The following NEB variants were observed in gnomAD, a reference collection of about 807,000 sequenced individuals.
NEB encodes nemaline myopathy type 2.
Under a neutral mutation model 952.2 loss-of-function variants are expected in NEB, and 512 were observed. That is an observed-to-expected ratio of 0.54 (90% confidence interval 0.50 to 0.58). The LOEUF (loss-of-function observed/expected upper bound fraction) is 0.58, where lower values mean the gene tolerates loss of function less well. NEB is among the 20% of genes least tolerant of loss of function. The pLI is 0.00. For missense variants in NEB, 8,428 were observed against 9,231.1 expected (o/e 0.91, Z 3.56); for synonymous variants, 2,900 against 3,149.8 (o/e 0.92, Z 2.66).
intron 173 of NEB, chr2:151,495,191 C>A (rs949986898): frequency 4.6e-5 from 7 of 152,152 alleles, no homozygotes; most frequent in African/African-American, 1.7e-4. Flanking sequence ...CATAGTAACA[C>A]ATCATGATAA....
chr2:151,733,365 CT>C (rs1383394891), intron 2 of NEB, among the ~76,000 whole-genome samples, 180 bp from the exon 3 acceptor site: 45 of 152,184 alleles, frequency 3.0e-4, no homozygotes, highest in African/African-American at 9.4e-4. Flanking sequence ...CTTCAAATTT[CT>C]TTCTCTTTAT....
intron 55 of NEB, 45 bp from the exon 56 acceptor site, chr2:151,644,620 G>C: frequency 7.0e-7 from 1 of 1,431,026 alleles, no homozygotes; most frequent in Non-Finnish European, 9.9e-7. Context: ...GTTCCCCATA[G>C]ACAAATATAG....
rs773491718 is a variant in NEB at position 151,711,185 on chromosome 2, G to A, written c.823-647C>T. On this transcript the variant is annotated intron_variant, in intron 10 of 181. Coordinates refer to ENST00000397345, the MANE Select transcript of NEB (RefSeq NM_001164508.2). Reference sequence around the variant, plus strand: ...CCAACACAAAATGCAGCACACAGAAGTTACATCATAAATGTTTGTTCAACT... The same window carrying A: ...CCAACACAAAATGCAGCACACAGAAATTACATCATAAATGTTTGTTCAACT... Among the ~76,000 whole-genome samples, 9 of 152,256 alleles carry A rather than the reference G, an allele frequency of 5.9e-5. No homozygotes were observed. The South Asian group carries it at 1.9e-3, about 32-fold the overall frequency.
At chr2:151,553,767 C>T (rs765216425) in intron 126 of NEB, 61 bp downstream of exon 126, 258 of 1,468,512 alleles carry the variant, frequency 1.8e-4, no homozygotes, top group Non-Finnish European at 2.2e-4. Flanking sequence ...GAGTTTGCTG[C>T]CTTCTGGGTG....
At position 151,581,543 on chromosome 2, in the gene NEB, G is replaced by A. The variant is rs559417107; in HGVS notation, c.16224C>T (p.Asn5408=). 2.8e-5 allele frequency: 33 copies of A among 1,199,532 alleles called. 1 individual carries two copies. Among genetic ancestry groups the A allele is most frequent in the Middle Eastern group, 2.8e-4 (1 of 3,598 alleles). The allele number at this position is 1,199,532 out of a possible 1,614,324, so 74.3% of individuals were successfully genotyped here. ...DAWEKEKANV[N]VPADTPLMLQ... ...GCATCAGGGGAGTGTCAGCTGGCAC[G>A]TTCACATTAGCCTTCTCTTTCTCCC... is the stretch of plus-strand genomic sequence containing the variant. The change falls in exon 103 of 182, where the codon AAC becomes AAT. Residue 5408 remains asparagine, a synonymous_variant. Transcript: ENST00000397345.
chr2:151,512,903 T>A, intron 160 of NEB, 66 bp from the exon 161 acceptor site: 4 of 1,073,528 alleles, frequency 3.7e-6, no homozygotes, highest in Non-Finnish European at 5.6e-6. Flanking sequence ...TGGCTTGATT[T>A]GATTAAGAGG....
In NEB at chr2:151,639,486, T is replaced by C. The variant is rs142302879; in HGVS notation, c.8890-102A>G. The C allele has an allele frequency of 3.1e-4, 273 of 868,962 alleles. 2 individuals carry two copies. In the African/African-American group the frequency reaches 3.8e-3, roughly 12 times the overall value. 53.8% of individuals were successfully genotyped at this position (868,962 alleles called of 1,614,324 possible). ...CTTTATAAAAAAAAAGAAAAGGTTA[T>C]GTGTTTTATACACATTATGTGTTTT... On this transcript the variant is annotated intron_variant, in intron 62 of 181. Transcript: ENST00000397345.
chr2:151,643,075 T>C (rs901660917), intron 58 of NEB, 75 bp downstream of exon 58: 97 of 1,456,304 alleles, frequency 6.7e-5, no homozygotes, highest in Non-Finnish European at 8.8e-5. Context: ...ACAAGTTTTC[T>C]TTTATACAAA....
intron 46 of NEB, 95 bp from the exon 47 acceptor site, chr2:151,659,264 T>C (rs368972405): frequency 1.5e-6 from 1 of 665,478 alleles, no homozygotes. Context: ...ATATTTCATG[T>C]ATTTTTATTA....
intron 165 of NEB, among the ~76,000 whole-genome samples, chr2:151,504,347 A>G (rs1452009080): frequency 2.0e-5 from 3 of 152,228 alleles, no homozygotes; most frequent in Admixed American, 2.0e-4. Flanking sequence ...TCTTCACCCA[A>G]CAAAGCAGCA....
rs2149174348 is a variant in NEB, at chr2:151,692,372, G to T, written c.1897-10C>A. On this transcript the variant is annotated splice_polypyrimidine_tract_variant and intron_variant, in intron 20 of 181. Coordinates refer to ENST00000397345, the MANE Select transcript of NEB (RefSeq NM_001164508.2). ...TTTCCTTGTATAATCTCTGTTAAAG[G>T]AAAAATAAATTAAACCAAAAAGAAA... 2 of 1,569,364 alleles carry T rather than the reference G, an allele frequency of 1.3e-6. No homozygotes were observed. Among genetic ancestry groups the T allele is most frequent in the Non-Finnish European group, 1.7e-6 (2 of 1,143,650 alleles).
chr2:151,544,108 C>T (rs1292381470), intron 135 of NEB, among the ~76,000 whole-genome samples: 2 of 152,134 alleles, frequency 1.3e-5, no homozygotes, highest in Non-Finnish European at 2.9e-5. Flanking sequence ...TTTTATCAAG[C>T]CTGGGTCATT....
intron 39 of NEB, among the ~76,000 whole-genome samples, chr2:151,668,557 C>G (rs1051126155): frequency 6.6e-6 from 1 of 151,962 alleles, no homozygotes; most frequent in East Asian, 1.9e-4. Flanking sequence ...AAAAAGGAAA[C>G]AATTCATAAT....
chr2:151,501,279 T>TAA (rs1204548757), intron 168 of NEB, 112 bp downstream of exon 168: 1 of 707,312 alleles, frequency 1.4e-6, no homozygotes. Flanking sequence ...TTGATGTGAT[T>TAA]AAAAAAAGAT....
rs912490907 is a variant in NEB, at chr2:151,534,355, C to A, written c.21313-809G>T. On this transcript the variant is annotated intron_variant, in intron 142 of 181. Transcript: ENST00000397345. ...ATCATAGCATATTATAGCAAGAGTA[C>A]AACTTCAAGGCTACACAAAAATGTC... 3.8e-6 allele frequency: 6 copies of A among 1,562,188 alleles called. No individual in the cohort carries two copies. In the African/African-American group the frequency reaches 8.1e-5, roughly 21 times the overall value.
Position 151,671,125 on chromosome 2 carries a change from A to C in NEB, c.4404T>G (p.Asn1468Lys). The change falls in exon 38 of 182, where the codon AAT becomes AAG. Residue 1468 changes from asparagine to lysine, a missense_variant. Asn to Lys is a moderately conservative substitution (Grantham distance 94, BLOSUM62 0). Coordinates refer to ENST00000397345, the MANE Select transcript of NEB (RefSeq NM_001164508.2). ...CTGGGTGCTGTCGATACTTCCTCTC[A>C]TTTAATGCATCGCCTGCTTTCTTGA... ...EKVKKAGDAL[N>K]ERKYRQHPDT... 6.2e-7 allele frequency: 1 copy of C among 1,613,974 alleles called. No individual in the cohort carries two copies. The highest frequency in any genetic ancestry group is 2.2e-5 in the East Asian group (1 of 44,882).
Position 151,690,707 on chromosome 2 carries a change from G to T in NEB, c.2310+20C>A, listed in dbSNP as rs749357193. 1.4e-5 allele frequency: 22 copies of T among 1,541,504 alleles called. 1 individual carries two copies. The highest frequency in any genetic ancestry group is 1.6e-5 in the Non-Finnish European group (18 of 1,131,432). On this transcript the variant is annotated intron_variant, in intron 24 of 181. Coordinates refer to ENST00000397345, the MANE Select transcript of NEB (RefSeq NM_001164508.2). ...AAAGCACTCTGGGTCACCCACGCTT[G>T]CATAAATCAAAGCACTTACATCACT... is the stretch of plus-strand genomic sequence containing the variant.
At chr2:151,666,546 T>C in intron 40 of NEB, 145 bp from the exon 41 acceptor site, 2 of 739,034 alleles carry the variant, frequency 2.7e-6, no homozygotes, top group Non-Finnish European at 4.3e-6. Flanking sequence ...AAATAAACAA[T>C]TAGCAAAATA....
chr2:151,719,690 G>T (rs112881575), intron 9 of NEB, among the ~76,000 whole-genome samples: 6,709 of 152,092 alleles, frequency 0.044, 446 homozygotes, highest in African/African-American at 0.13. Context: ...ACCAGCCAGG[G>T]CAATACGGTG....
Sources: gnomAD v4.1 joint callset for allele counts (sites outside exome capture counted in the v4.1 genomes callset) on GRCh38, gnomAD v4.1.1 for gene constraint, MANE v1.5 for transcripts, NCBI Gene and HGNC (gene_info 2026-07-23, HGNC 2026-07-21) for gene names.